THSD7B: variants seen among roughly 807,000 people sequenced by gnomAD.
THSD7B encodes the protein thrombospondin type 1 domain containing 7B.
THSD7B carries 138 observed loss-of-function variants against 213.6 expected under a neutral mutation model. The observed-to-expected ratio is 0.65, with a 90% CI of 0.56 to 0.74. The LOEUF (loss-of-function observed/expected upper bound fraction) is 0.74, where lower values mean the gene tolerates loss of function less well. Among genes scored for constraint, THSD7B ranks in the 30% least tolerant of loss-of-function variants. THSD7B has a pLI of 0.00. For synonymous variants in THSD7B, 742 were observed against 687.0 expected (o/e 1.08, Z -1.25); for missense variants, 1,931 against 1,991.5 (o/e 0.97, Z 0.58).
intron 1 of THSD7B, among the ~76,000 whole-genome samples, chr2:136,772,988 A>G (rs1261849990): frequency 1.3e-5 from 2 of 152,134 alleles, no homozygotes; most frequent in African/African-American, 2.4e-5. Context: ...TGGCAGAATC[A>G]TATAGGAAGA....
intron 2 of THSD7B, among the ~76,000 whole-genome samples, chr2:136,941,406 T>C (rs1684825278): frequency 6.6e-6 from 1 of 152,218 alleles, no homozygotes; most frequent in Non-Finnish European, 1.5e-5. Context: ...GTATTTCTAG[T>C]TCTAGATCCT....
At chr2:136,990,482 G>A (rs369311173) in intron 2 of THSD7B, among the ~76,000 whole-genome samples, 42 of 152,136 alleles carry the variant, frequency 2.8e-4, no homozygotes, top group African/African-American at 8.9e-4. Context: ...AGAACTGTAG[G>A]GGGGGGACCA....
intron 21 of THSD7B, among the ~76,000 whole-genome samples, chr2:137,645,581 A>G (rs1683015563): frequency 6.6e-6 from 1 of 151,870 alleles, no homozygotes. Context: ...GATACATACT[A>G]GGAGCACACT....
intron 2 of THSD7B, among the ~76,000 whole-genome samples, chr2:136,935,921 CTTATATAATTATAA>C (rs961556394): frequency 2.0e-5 from 3 of 146,848 alleles, no homozygotes; most frequent in African/African-American, 7.4e-5. Flanking sequence ...AATATATAAT[CTTATATAATTATAA>C]TTATATAATT....
intron 10 of THSD7B, among the ~76,000 whole-genome samples, chr2:137,247,136 C>T (rs185472320): frequency 7.2e-4 from 109 of 152,262 alleles, no homozygotes; most frequent in Admixed American, 5.0e-3. Flanking sequence ...GCCACTGCTG[C>T]CATCATTGTC....
At chr2:137,535,395 A>G (rs930395730) in intron 15 of THSD7B, among the ~76,000 whole-genome samples, 3 of 151,790 alleles carry the variant, frequency 2.0e-5, no homozygotes, top group African/African-American at 7.2e-5. Flanking sequence ...TAATGAATAA[A>G]TTGGATTACA....
chr2:137,095,046 G>T lies in THSD7B; in HGVS notation c.1124G>T (p.Gly375Val). The change falls in exon 4 of 28, where the codon GGT (glycine) becomes GTT (valine). Residue 375 changes from glycine to valine, a missense_variant. Gly to Val is a moderately radical substitution (Grantham distance 109). Transcript: ENST00000409968. ...SRNVKHMAIG[G>V]GKECPELLEK... is the part of the protein sequence containing the mutation. ...AACGTGAAGCACATGGCTATTGGAG[G>T]TGGAAAGGAGTGTCCTGAACTTCTT... The T allele has an allele frequency of 6.2e-7, 1 of 1,613,856 alleles. No homozygotes were observed. The highest frequency in any genetic ancestry group is 8.5e-7 in the Non-Finnish European group (1 of 1,179,846).
intron 17 of THSD7B, among the ~76,000 whole-genome samples, chr2:137,601,125 A>G (rs1320829078): frequency 6.6e-6 from 1 of 152,218 alleles, no homozygotes; most frequent in East Asian, 1.9e-4. Context: ...TTAAAAGTTT[A>G]TAAAATAAAA....
chr2:137,597,031 A>G (rs1681974251), intron 17 of THSD7B, among the ~76,000 whole-genome samples: 1 of 152,126 alleles, frequency 6.6e-6, no homozygotes, highest in Admixed American at 6.6e-5. Context: ...CACCAGAAAG[A>G]ACATTTTGAA....
intron 5 of THSD7B, among the ~76,000 whole-genome samples, chr2:137,131,074 A>G (rs1480357788): frequency 7.4e-6 from 1 of 134,526 alleles, no homozygotes; most frequent in Non-Finnish European, 1.6e-5. Context: ...CGCCATTCTA[A>G]CTGATGTGAG....
intron 15 of THSD7B, among the ~76,000 whole-genome samples, chr2:137,539,989 T>C (rs2105190825): frequency 6.6e-6 from 1 of 151,818 alleles, no homozygotes. Context: ...CTTCCAAAAC[T>C]TGGTCACACA....
At chr2:136,772,245 A>C (rs140658300) in intron 1 of THSD7B, among the ~76,000 whole-genome samples, 159 of 152,266 alleles carry the variant, frequency 1.0e-3, no homozygotes, top group African/African-American at 3.5e-3. Context: ...TCCAAAATGC[A>C]AGAACACACA....
intron 15 of THSD7B, among the ~76,000 whole-genome samples, chr2:137,461,201 C>A (rs560661373): frequency 4.7e-4 from 71 of 152,142 alleles, no homozygotes; most frequent in African/African-American, 1.7e-3. Flanking sequence ...ATAATAGACA[C>A]ATATGTATGC....
At chr2:137,670,769 A>G (rs1313977652) in intron 27 of THSD7B, among the ~76,000 whole-genome samples, 1 of 151,904 alleles carries the variant, frequency 6.6e-6, no homozygotes, top group Non-Finnish European at 1.5e-5. Flanking sequence ...AAAATACAAA[A>G]AATTAGCCAG....
chr2:137,218,981 TG>T (rs1200632601), intron 7 of THSD7B, among the ~76,000 whole-genome samples: 3 of 92,820 alleles, frequency 3.2e-5, no homozygotes, highest in African/African-American at 4.9e-5. Context: ...ACTGAGTTTG[TG>T]AAAAAAAAAA....
intron 15 of THSD7B, among the ~76,000 whole-genome samples, chr2:137,454,388 T>TTCTG (rs1553451266): frequency 7.6e-6 from 1 of 131,810 alleles, no homozygotes; most frequent in African/African-American, 2.7e-5. Flanking sequence ...TTCAGAGCCA[T>TTCTG]TCTATCTGTC....
chr2:137,253,181 C>A (rs934463977), intron 10 of THSD7B, among the ~76,000 whole-genome samples: 2 of 151,998 alleles, frequency 1.3e-5, no homozygotes, highest in East Asian at 3.9e-4. Flanking sequence ...TGCATTCTTA[C>A]CAAAATGCCT....
chr2:137,470,170 G>A (rs755267885), intron 15 of THSD7B, among the ~76,000 whole-genome samples: 4 of 152,224 alleles, frequency 2.6e-5, no homozygotes, highest in Admixed American at 1.3e-4. Flanking sequence ...TGCTTAGAAG[G>A]TTCAAGTTTC....
At chr2:137,283,279 G>A (rs1419644050) in intron 12 of THSD7B, among the ~76,000 whole-genome samples, 2 of 152,184 alleles carry the variant, frequency 1.3e-5, no homozygotes, top group African/African-American at 2.4e-5. Flanking sequence ...TGCTGAAGTT[G>A]CTTATCATTT....
Sources: allele counts gnomAD v4.1 joint callset (sites outside exome capture counted in the v4.1 genomes callset), GRCh38; gene constraint gnomAD v4.1.1; transcripts MANE v1.5; gene names NCBI Gene and HGNC (gene_info 2026-07-23, HGNC 2026-07-21).